The following DHX30 variants were observed in gnomAD, a reference collection of about 807,000 sequenced individuals.
The protein encoded by DHX30 is ATP-dependent RNA helicase DHX30.
Under a neutral mutation model 116.9 loss-of-function variants are expected in DHX30, and 4 were observed. The observed-to-expected ratio is 0.03, with a 90% CI of 0.02 to 0.08. The LOEUF is 0.08. Ranked by LOEUF, DHX30 falls within the 10% of genes least tolerant of loss-of-function variation. The probability of loss-of-function intolerance (pLI) is 1.00; values close to 1 mark genes in which losing one functional copy is unlikely to be tolerated. For missense variants in DHX30, 871 were observed against 1,595.1 expected, an observed-to-expected ratio of 0.55 and a Z score of 7.73; for synonymous variants, 697 against 651.7, an observed-to-expected ratio of 1.07 and a Z score of -1.06.
intron 4 of DHX30, among the ~76,000 whole-genome samples, chr3:47,823,560 C>T (rs917179962): frequency 3.2e-4 from 49 of 152,188 alleles, no homozygotes; most frequent in African/African-American, 1.1e-3. Context: ...GATGGGGTTT[C>T]ACCATGTTGA....
At chr3:47,838,951 G>A (rs2037240883) in intron 6 of DHX30, among the ~76,000 whole-genome samples, 1 of 152,040 alleles carries the variant, frequency 6.6e-6, no homozygotes, top group African/African-American at 2.4e-5. Context: ...ATGGCTCACT[G>A]CAGCCTCGAT....
At chr3:47,842,852 GT>G (rs1191899349) in intron 8 of DHX30, among the ~76,000 whole-genome samples, 3 of 152,220 alleles carry the variant, frequency 2.0e-5, no homozygotes, top group Non-Finnish European at 4.4e-5. Context: ...AGGAGGGCAG[GT>G]GATGGCATTG....
In DHX30 at chr3:47,848,754, C is replaced by G. The variant is rs767207197; in HGVS notation, c.2706C>G (p.Val902=). The part of the protein sequence containing the change: ...IFRCLHPLLV[V]VSCLTRDPFS... Reference sequence around the variant, plus strand: ...GTTGCCTGCACCCACTACTGGTGGTCGTTTCCTGCCTCACCCGGGACCCCT... The same window carrying G: ...GTTGCCTGCACCCACTACTGGTGGTGGTTTCCTGCCTCACCCGGGACCCCT... Residue 902 remains valine (V), a synonymous_variant, in exon 17 of 22, where the codon GTC becomes GTG. Transcript: ENST00000445061. The surrounding 1 kb of genome is among the most constrained non-coding windows in gnomAD (Gnocchi z 9.4). 1 of 1,614,114 alleles carries G rather than the reference C, an allele frequency of 6.2e-7. No individual in the cohort carries two copies. Among genetic ancestry groups the G allele is most frequent in the Non-Finnish European group, 8.5e-7 (1 of 1,180,006 alleles).
At position 47,847,341 on chromosome 3, in the gene DHX30, G is replaced by A. The variant is rs1356490847; in HGVS notation, c.1998G>A (p.Gly666=). The A allele has an allele frequency of 6.2e-7, 1 of 1,614,230 alleles. No homozygotes were observed. The highest frequency in any genetic ancestry group is 1.1e-5 in the South Asian group (1 of 91,088). Residue 666 remains glycine, a synonymous_variant, in exon 12 of 22, where the codon GGG becomes GGA. Coordinates refer to ENST00000445061, the MANE Select transcript of DHX30 (RefSeq NM_138615.3). This position sits in a 1 kb window ranked among gnomAD's most constrained non-coding sequence, Gnocchi z 5.5. ...TDLVLHIDAR[G]EPGGILCFLP... is the part of the protein sequence containing the mutation. ...TGGTTCTGCACATCGATGCTCGCGGGGAACCAGGTGGGTGCCTCCCCATCT... is the reference window on the plus strand; with the variant it reads ...TGGTTCTGCACATCGATGCTCGCGGAGAACCAGGTGGGTGCCTCCCCATCT...
In DHX30 at chr3:47,829,314, AT is replaced by A. The variant is rs10683438; in HGVS notation, c.366+196del. Among the ~76,000 whole-genome samples, 91 of 34,170 alleles carry A rather than the reference AT, an allele frequency of 2.7e-3. 2 individuals are homozygous for A. Among genetic ancestry groups the A allele is most frequent in the South Asian group, 0.012 (7 of 582 alleles). 22.4% of individuals were successfully genotyped at this position (34,170 alleles called of 152,430 possible). A position where few individuals can be genotyped will look rare whatever the true frequency, so the allele number is the denominator to read the frequency against. On this transcript the variant is annotated intron_variant, in intron 6 of 21. Transcript: ENST00000445061. ...TATATATATATATATATATATATAT[AT>A]TTTTTTTTTTTTTTTCCTGTGTTTT...
At position 47,849,898 on chromosome 3, in the gene DHX30, C is replaced by A. The variant is rs773543757; in HGVS notation, c.3363C>A (p.Ser1121Arg). The change falls in exon 22 of 22, where the codon AGC becomes AGA. Residue 1121 changes from serine to arginine, a missense_variant. This residue lies in a region of DHX30 where 238 missense variants were observed against 481.0 expected (regional missense o/e 0.49). Transcript: ENST00000445061. ...DDGRRATISL[S>R]DSDLLRLEGD... ...GGCGCCGGGCCACCATCTCACTGAGCGACAGTGACCTGCTGCGGCTGGAGG... is the reference window on the plus strand; with the variant it reads ...GGCGCCGGGCCACCATCTCACTGAGAGACAGTGACCTGCTGCGGCTGGAGG... 1.2e-6 allele frequency: 2 copies of A among 1,613,454 alleles called. No homozygotes were observed. The highest frequency in any genetic ancestry group is 1.7e-6 in the Non-Finnish European group (2 of 1,179,726).
Position 47,849,446 on chromosome 3 carries a change from T to C in DHX30, c.3088-5T>C. 2 of 1,571,992 alleles carry C rather than the reference T, an allele frequency of 1.3e-6. No homozygotes were observed. The highest frequency in any genetic ancestry group is 1.7e-6 in the Non-Finnish European group (2 of 1,155,748). ...CCCCACCCGTCTTTTCCTCCATCCC[T>C]GCAGGTGAGGCAGGGCAAGGTCACC... On this transcript the variant is annotated splice_region_variant and splice_polypyrimidine_tract_variant and intron_variant, in intron 19 of 21. Coordinates refer to ENST00000445061, the MANE Select transcript of DHX30 (RefSeq NM_138615.3).
intron 7 of DHX30, 38 bp downstream of exon 7, chr3:47,841,216 G>A: frequency 6.2e-7 from 1 of 1,604,868 alleles, no homozygotes; most frequent in Non-Finnish European, 8.5e-7. Flanking sequence ...GAGGCTGGCT[G>A]TGCCTTGACA....
At chr3:47,807,344 G>C (rs1331596583) in intron 2 of DHX30, among the ~76,000 whole-genome samples, 3 of 151,918 alleles carry the variant, frequency 2.0e-5, no homozygotes, top group Non-Finnish European at 4.4e-5. Context: ...TTTTAGATTA[G>C]TACAGGAAAA....
intron 6 of DHX30, among the ~76,000 whole-genome samples, chr3:47,839,508 G>A (rs2037269885): frequency 2.0e-5 from 3 of 151,842 alleles, no homozygotes; most frequent in South Asian, 4.2e-4. Flanking sequence ...TGGTCAGGCT[G>A]GTCTCAAACT....
Position 47,846,761 on chromosome 3 carries a change from G to A in DHX30, c.1689G>A (p.Glu563=). The change falls in exon 11 of 22, where the codon GAG becomes GAA. Residue 563 remains glutamate, a synonymous_variant. Coordinates refer to ENST00000445061, the MANE Select transcript of DHX30 (RefSeq NM_138615.3). ...VSHVIVDEVH[E]RDVNTDFLLI... is the part of the protein sequence containing the mutation. ...ACGTCATCGTGGATGAGGTGCATGAGCGGGACGTGAACACAGACTTTCTGC... is the reference window on the plus strand; with the variant it reads ...ACGTCATCGTGGATGAGGTGCATGAACGGGACGTGAACACAGACTTTCTGC... 6.2e-7 allele frequency: 1 copy of A among 1,613,994 alleles called. No homozygotes were observed. Among genetic ancestry groups the A allele is most frequent in the Non-Finnish European group, 8.5e-7 (1 of 1,180,030 alleles).
chr3:47,808,401 A>G (rs1263547971), intron 2 of DHX30, among the ~76,000 whole-genome samples: 1 of 151,668 alleles, frequency 6.6e-6, no homozygotes, highest in Non-Finnish European at 1.5e-5. Context: ...AATTTTTTTT[A>G]GAGATGCGGT....
chr3:47,838,115 C>T (rs1012010405), intron 6 of DHX30, among the ~76,000 whole-genome samples: 1 of 152,202 alleles, frequency 6.6e-6, no homozygotes, highest in Non-Finnish European at 1.5e-5. Context: ...CAGAGGCATT[C>T]TTGTCAGAAG....
chr3:47,821,377 T>C (rs907889871), intron 4 of DHX30, among the ~76,000 whole-genome samples: 2 of 152,184 alleles, frequency 1.3e-5, no homozygotes, highest in Non-Finnish European at 2.9e-5. Flanking sequence ...GTGATTCTCT[T>C]GCCCCAGCCC....
chr3:47,831,508 G>A (rs1242338139), intron 6 of DHX30, among the ~76,000 whole-genome samples: 1 of 152,012 alleles, frequency 6.6e-6, no homozygotes, highest in African/African-American at 2.4e-5. Flanking sequence ...TTGCCCTTTT[G>A]TTTAATTTTC....
chr3:47,841,525 C>A, intron 7 of DHX30, 92 bp from the exon 8 acceptor site: 1 of 1,553,668 alleles, frequency 6.4e-7, no homozygotes, highest in Non-Finnish European at 8.7e-7. Context: ...CTCCCTGCTG[C>A]AGCGCAGCGT....
In DHX30 at chr3:47,840,991, C is replaced by A. The variant is rs373104892; in HGVS notation, c.481C>A (p.Pro161Thr). ...DSWWRPEPTM[P>T]PTSWRQLNPE... ...CTGGTGGCGTCCGGAACCCACCATG[C>A]CCCCTACTTCCTGGCGGCAGCTGAA... The change falls in exon 7 of 22, where the codon CCC becomes ACC. Residue 161 changes from proline (P) to threonine (T), a missense_variant. Physicochemically the swap from Pro to Thr is conservative, Grantham distance 38. Coordinates refer to ENST00000445061, the MANE Select transcript of DHX30 (RefSeq NM_138615.3). The A allele has an allele frequency of 4.3e-6, 7 of 1,614,092 alleles. No individual in the cohort carries two copies. The highest frequency in any genetic ancestry group is 1.6e-4 in the Middle Eastern group (1 of 6,084).
At position 47,840,986 on chromosome 3, in the gene DHX30, C is replaced by T. The variant is rs771309885; in HGVS notation, c.476C>T (p.Thr159Ile). Reference sequence around the variant, plus strand: ...GACAGCTGGTGGCGTCCGGAACCCACCATGCCCCCTACTTCCTGGCGGCAG... The same window carrying T: ...GACAGCTGGTGGCGTCCGGAACCCATCATGCCCCCTACTTCCTGGCGGCAG... The part of the protein sequence containing the change: ...PADSWWRPEP[T>I]MPPTSWRQLN... The change falls in exon 7 of 22, where the codon ACC becomes ATC. Residue 159 changes from threonine to isoleucine, a missense_variant. Thr to Ile is a moderately conservative substitution (Grantham distance 89). Around this residue, in one of 13 missense-constraint regions of DHX30, gnomAD observed 109 missense variants for 118.8 expected, o/e 0.92. Coordinates refer to ENST00000445061, the MANE Select transcript of DHX30 (RefSeq NM_138615.3). 6.2e-7 allele frequency: 1 copy of T among 1,614,256 alleles called. No individual in the cohort carries two copies. The highest frequency in any genetic ancestry group is 8.5e-7 in the Non-Finnish European group (1 of 1,180,046).
chr3:47,803,411 A>G (rs1200754986), intron 1 of DHX30, among the ~76,000 whole-genome samples, 199 bp downstream of exon 1: 2 of 151,964 alleles, frequency 1.3e-5, no homozygotes, highest in Non-Finnish European at 2.9e-5. Flanking sequence ...GTGGGCAGCC[A>G]GGCCTCGGCC....
Sources: allele counts gnomAD v4.1 joint callset (sites outside exome capture counted in the v4.1 genomes callset), GRCh38; gene constraint gnomAD v4.1.1; regional missense constraint gnomAD v4.1.1; non-coding constraint Gnocchi (gnomAD v3.1); transcripts MANE v1.5; gene names NCBI Gene and HGNC (gene_info 2026-07-23, HGNC 2026-07-21).